LARGE2: variants seen among roughly 807,000 people sequenced by gnomAD.
LARGE2 encodes xylosyl- and glucuronyltransferase LARGE2.
LARGE2 carries 63 observed loss-of-function variants against 75.3 expected under a neutral mutation model. The ratio of observed to expected loss-of-function variants is 0.84; its 90% CI spans 0.68 to 1.03. LARGE2 has a LOEUF of 1.03. LARGE2 is among the 50% of genes least tolerant of loss of function. The pLI is 0.00. For synonymous variants in LARGE2, 428 were observed against 420.1 expected, an observed-to-expected ratio of 1.02 and a Z score of -0.23; for missense variants, 925 against 980.6, an observed-to-expected ratio of 0.94 and a Z score of 0.76.
Position 45,926,781 on chromosome 11 carries a change from T to C in LARGE2, c.1235T>C (p.Val412Ala), listed in dbSNP as rs1353296778. The C allele has an allele frequency of 3.1e-6, 5 of 1,613,604 alleles. No individual in the cohort carries two copies. The highest frequency in any genetic ancestry group is 2.2e-5 in the East Asian group (1 of 44,878). ...CFEFRQQQLT[V>A]HRVHVTFLPH... ...GAGTTCCGGCAGCAGCAGCTCACTG[T>C]GCACCGTGTGCATGTCACTTTCCTG... is the stretch of plus-strand genomic sequence containing the variant. Residue 412 changes from valine to alanine, a missense_variant, in exon 10 of 14, where the codon GTG (valine) becomes GCG (alanine). By Grantham distance (64) the Val-to-Ala change is moderately conservative. Around this residue, in one of 3 missense-constraint regions of LARGE2, gnomAD observed 469 missense variants for 503.8 expected, o/e 0.93. Transcript: ENST00000401752.
In LARGE2 at chr11:45,928,762, C is replaced by T; in HGVS notation, c.2083C>T (p.Gln695Ter). 6.2e-7 allele frequency: 1 copy of T among 1,614,026 alleles called. No individual in the cohort carries two copies. Among genetic ancestry groups the T allele is most frequent in the South Asian group, 1.1e-5 (1 of 91,084 alleles). Residue 695 changes from glutamine (Q) to a stop codon, truncating the protein, a stop_gained, in exon 14 of 14, where the codon CAG becomes TAG. Transcript: ENST00000401752. LOFTEE classifies it high-confidence loss of function. Reference protein sequence around the residue: ...CLQALKDEFHQDLSRHHGAAA... With the variant: ...CLQALKDEFH ...CCAGGCCCTCAAGGACGAATTCCAC[C>T]AGGACTTGTCCCGCCACCATGGGGC...
In LARGE2 at chr11:45,927,988, C is replaced by G; in HGVS notation, c.1673C>G (p.Thr558Ser). Residue 558 changes from threonine to serine, a missense_variant, in exon 12 of 14, where the codon ACC becomes AGC. Physicochemically the swap from Thr to Ser is moderately conservative, Grantham distance 58. Coordinates refer to ENST00000401752, the MANE Select transcript of LARGE2 (RefSeq NM_001300721.2). The part of the protein sequence containing the change: ...KAALVVPAFE[T>S]LRYRFSFPHS... ...GCACTGGTGGTGCCGGCATTCGAGA[C>G]CCTGCGCTACCGCTTCAGCTTCCCC... 2 of 1,613,898 alleles carry G rather than the reference C, an allele frequency of 1.2e-6. No homozygotes were observed. The highest frequency in any genetic ancestry group is 1.7e-6 in the Non-Finnish European group (2 of 1,180,032).
At position 45,926,472 on chromosome 11, in the gene LARGE2, C is replaced by T. The variant is rs1463156824; in HGVS notation, c.1039C>T (p.Arg347Trp). Residue 347 changes from arginine to tryptophan, a missense_variant, in exon 9 of 14, where the codon CGG becomes TGG. By Grantham distance (101) the Arg-to-Trp change is moderately radical. Transcript: ENST00000401752. Reference sequence around the variant, plus strand: ...CCACTGGAACTCACCAAAGAAGCTTCGGGTGAAGAACAAGCATGTGGAATT... The same window carrying T: ...CCACTGGAACTCACCAAAGAAGCTTTGGGTGAAGAACAAGCATGTGGAATT... ...VIHWNSPKKL[R>W]VKNKHVEFFR... is the part of the protein sequence containing the mutation. The T allele has an allele frequency of 6.2e-7, 1 of 1,613,970 alleles. No individual in the cohort carries two copies. Among genetic ancestry groups the T allele is most frequent in the East Asian group, 2.2e-5 (1 of 44,898 alleles).
upstream of LARGE2, chr11:45,922,636 C>CG (rs1463629175): frequency 3.4e-6 from 1 of 296,242 alleles, no homozygotes; most frequent in Non-Finnish European, 5.7e-6. Flanking sequence ...GAGCCCAGGT[C>CG]GGGGGCGGGA....
At position 45,928,763 on chromosome 11, in the gene LARGE2, A is replaced by G. The variant is rs563105390; in HGVS notation, c.2084A>G (p.Gln695Arg). The part of the protein sequence containing the change: ...CLQALKDEFH[Q>R]DLSRHHGAAA... ...CAGGCCCTCAAGGACGAATTCCACC[A>G]GGACTTGTCCCGCCACCATGGGGCT... The change falls in exon 14 of 14, where the codon CAG (glutamine) becomes CGG (arginine). Residue 695 changes from glutamine (Q) to arginine (R), a missense_variant. This residue lies in a region of LARGE2 where 469 missense variants were observed against 503.8 expected (regional missense o/e 0.93). Coordinates refer to ENST00000401752, the MANE Select transcript of LARGE2 (RefSeq NM_001300721.2). The G allele has an allele frequency of 2.2e-4, 348 of 1,613,984 alleles. 8 individuals are homozygous for G. In the South Asian group the frequency reaches 3.4e-3, roughly 16 times the overall value.
At position 45,924,813 on chromosome 11, in the gene LARGE2, C is replaced by G; in HGVS notation, c.693C>G (p.Asn231Lys). 1.3e-6 allele frequency: 2 copies of G among 1,513,896 alleles called. No homozygotes were observed. Among genetic ancestry groups the G allele is most frequent in the Non-Finnish European group, 1.8e-6 (2 of 1,130,234 alleles). 93.8% of individuals were successfully genotyped at this position (1,513,896 alleles called of 1,614,324 possible). Residue 231 changes from asparagine to lysine, a missense_variant, in exon 6 of 14, where the codon AAC (asparagine) becomes AAG (lysine). Asn to Lys is a moderately conservative substitution (Grantham distance 94). This residue lies in a region of LARGE2 where 453 missense variants were observed against 460.2 expected (regional missense o/e 0.98). Coordinates refer to ENST00000401752, the MANE Select transcript of LARGE2 (RefSeq NM_001300721.2). ...SDTQAIGLVE[N>K]QSDWYLGNLW... is the part of the protein sequence containing the mutation. ...CGCAGGCGATCGGTCTTGTGGAGAACCAGAGTGACTGGTACCTGGGCAACC... is the reference window on the plus strand; with the variant it reads ...CGCAGGCGATCGGTCTTGTGGAGAAGCAGAGTGACTGGTACCTGGGCAACC...
rs1565093816 is a variant in LARGE2 at position 45,926,422 on chromosome 11, A to T, written c.1009-20A>T. The T allele has an allele frequency of 6.2e-7, 1 of 1,613,876 alleles. No individual in the cohort carries two copies. Among genetic ancestry groups the T allele is most frequent in the Non-Finnish European group, 8.5e-7 (1 of 1,179,954 alleles). ...TTCTGCTCCCTGCTCCCATGGCCCC[A>T]ACACCCTCCTGGGTCCCAGGTGATC... On this transcript the variant is annotated intron_variant, in intron 8 of 13. Transcript: ENST00000401752.
At position 45,922,809 on chromosome 11, in the gene LARGE2, C is replaced by G; in HGVS notation, c.-62-12C>G. ...CAGGGCTGAGTCTCCCATCTCGCCC[C>G]TCGGTCCGCAGGGCCTGCGATGGAG... On this transcript the variant is annotated splice_polypyrimidine_tract_variant and intron_variant, in intron 1 of 13. Transcript: ENST00000401752. 1 of 1,167,672 alleles carries G rather than the reference C, an allele frequency of 8.6e-7. No homozygotes were observed. Among genetic ancestry groups the G allele is most frequent in the Non-Finnish European group, 1.1e-6 (1 of 931,484 alleles). The allele number at this position is 1,167,672 out of a possible 1,614,324, so 72.3% of individuals were successfully genotyped here.
intron 11 of LARGE2, 25 bp from the exon 12 acceptor site, chr11:45,927,895 C>T: frequency 1.2e-6 from 2 of 1,611,306 alleles, no homozygotes; most frequent in Non-Finnish European, 1.7e-6. Context: ...GCTCTTCTCC[C>T]CTGCTCATGG....
rs573102217 is a variant in LARGE2 at position 45,923,575 on chromosome 11, G to A, written c.368+20G>A. The A allele has an allele frequency of 2.4e-5, 39 of 1,610,612 alleles. 1 individual carries two copies. The South Asian group carries it at 3.7e-4, about 15-fold the overall frequency. ...CTACAGGTACAGCCAGGTGTCCGTG[G>A]AGGAGGGTCAGGAGTGGGGAAGGGA... On this transcript the variant is annotated intron_variant, in intron 3 of 13. Coordinates refer to ENST00000401752, the MANE Select transcript of LARGE2 (RefSeq NM_001300721.2).
At chr11:45,923,365 C>A in intron 2 of LARGE2, 108 bp from the exon 3 acceptor site, 1 of 1,207,198 alleles carries the variant, frequency 8.3e-7, no homozygotes, top group East Asian at 2.3e-5. Flanking sequence ...CCTGCTGCCC[C>A]CTCCGCACAC....
chr11:45,928,244 TACCGTGTGCAATGGGCGGCCA>T lies in LARGE2; in HGVS notation c.1825_1845del (p.Arg609_Asn615del). 6.2e-7 allele frequency: 1 copy of T among 1,613,992 alleles called. No individual in the cohort carries two copies. Among genetic ancestry groups the T allele is most frequent in the Non-Finnish European group, 8.5e-7 (1 of 1,180,036 alleles). ...CCGCTGGCGGGAGGCTCAGGCCCCG[TACCGTGTGCAATGGGCGGCCA>T]ACTATGAACCCTACGTGGTGGTGCC... On this transcript the variant is annotated inframe_deletion, in exon 13 of 14. Coordinates refer to ENST00000401752, the MANE Select transcript of LARGE2 (RefSeq NM_001300721.2).
In LARGE2 at chr11:45,926,312, G is replaced by C. The variant is rs773196540; in HGVS notation, c.973G>C (p.Ala325Pro). 101 of 1,614,174 alleles carry C rather than the reference G, an allele frequency of 6.3e-5. No individual in the cohort carries two copies. Among genetic ancestry groups the C allele is most frequent in the Middle Eastern group, 1.6e-4 (1 of 6,062 alleles). ...WNVQLSDHTL[A>P]ERCYSEASDL... Reference sequence around the variant, plus strand: ...TGTGCAGCTGTCAGATCACACACTGGCCGAGCGCTGCTACTCTGAGGCGTC... The same window carrying C: ...TGTGCAGCTGTCAGATCACACACTGCCCGAGCGCTGCTACTCTGAGGCGTC... The change falls in exon 8 of 14, where the codon GCC becomes CCC. Residue 325 changes from alanine (A) to proline (P), a missense_variant. Ala to Pro is a conservative substitution (Grantham distance 27). This residue lies in a region of LARGE2 where 453 missense variants were observed against 460.2 expected (regional missense o/e 0.98). Transcript: ENST00000401752.
Position 45,928,870 on chromosome 11 carries a change from C to T in LARGE2, c.*25C>T. The T allele has an allele frequency of 6.2e-7, 1 of 1,611,904 alleles. No individual in the cohort carries two copies. The highest frequency in any genetic ancestry group is 8.5e-7 in the Non-Finnish European group (1 of 1,179,484). ...AGGCTGGGCCGGCGCTGCCCCTCAT[C>T]TTAGCATTGGGCAGACACCAGGGCA... On this transcript the variant is annotated 3_prime_UTR_variant, in exon 14 of 14. Coordinates refer to ENST00000401752, the MANE Select transcript of LARGE2 (RefSeq NM_001300721.2).
intron 9 of LARGE2, 41 bp downstream of exon 9, chr11:45,926,638 TG>T: frequency 6.2e-7 from 1 of 1,613,356 alleles, no homozygotes. Flanking sequence ...TCTGCTTTGG[TG>T]GGACCCAGCC....
rs758040500 is a variant in LARGE2 at position 45,924,663 on chromosome 11, T to A, written c.650T>A (p.Phe217Tyr). 5 of 1,612,404 alleles carry A rather than the reference T, an allele frequency of 3.1e-6. No individual in the cohort carries two copies. The highest frequency in any genetic ancestry group is 4.2e-6 in the Non-Finnish European group (5 of 1,179,212). The change falls in exon 5 of 14, where the codon TTT becomes TAT. Residue 217 changes from phenylalanine to tyrosine, a missense_variant. Phe to Tyr is a conservative substitution (Grantham distance 22). Around this residue, in one of 3 missense-constraint regions of LARGE2, gnomAD observed 453 missense variants for 460.2 expected, o/e 0.98. Transcript: ENST00000401752. ...GACATCTCGGAGCTCTGGGCCCTCT[T>A]TGCTCACTTTTCTGGTGAGAGGCCT... ...ASDISELWAL[F>Y]AHFSDTQAIG...
Position 45,922,820 on chromosome 11 carries a change from G to C in LARGE2, c.-62-1G>C. On this transcript the variant is annotated splice_acceptor_variant, in intron 1 of 13. Coordinates refer to ENST00000401752, the MANE Select transcript of LARGE2 (RefSeq NM_001300721.2). LOFTEE classifies it low-confidence loss of function (5UTR_SPLICE). ...CTCCCATCTCGCCCCTCGGTCCGCA[G>C]GGCCTGCGATGGAGCCTGCAGCCCC... The C allele has an allele frequency of 8.3e-7, 1 of 1,201,194 alleles. No homozygotes were observed. The highest frequency in any genetic ancestry group is 1.0e-6 in the Non-Finnish European group (1 of 961,254). 74.4% of individuals were successfully genotyped at this position (1,201,194 alleles called of 1,614,324 possible). A position where few individuals can be genotyped will look rare whatever the true frequency, so the allele number is the denominator to read the frequency against.
At chr11:45,928,451 G>A in intron 13 of LARGE2, 79 bp downstream of exon 13, 1 of 1,549,148 alleles carries the variant, frequency 6.5e-7, no homozygotes. Context: ...CTGCATGGGG[G>A]ACCACACCAC....
At chr11:45,927,616 G>A (rs780599611) in intron 11 of LARGE2, 23 bp downstream of exon 11, 23 of 1,608,870 alleles carry the variant, frequency 1.4e-5, no homozygotes, top group Non-Finnish European at 2.0e-5. Context: ...GCAGAGAGGG[G>A]AACAATATAT....
Sources: allele counts gnomAD v4.1 joint callset, GRCh38; gene constraint gnomAD v4.1.1; regional missense constraint gnomAD v4.1.1; transcripts MANE v1.5; gene names NCBI Gene and HGNC (gene_info 2026-07-23, HGNC 2026-07-21).